The following MGST1 variants were observed in gnomAD, a reference collection of about 807,000 sequenced individuals.
The protein encoded by MGST1 is glutathione S-transferase 12.
MGST1 carries 5 observed loss-of-function variants against 8.9 expected under a neutral mutation model. The observed-to-expected ratio is 0.56, with a 90% CI of 0.29 to 1.19. MGST1 has a LOEUF of 1.19. Ranked by LOEUF, MGST1 falls within the 50% of genes most tolerant of loss-of-function variation. The pLI is 0.08. For synonymous variants in MGST1, 54 were observed against 67.8 expected (o/e 0.80, Z 1.00); for missense variants, 182 against 187.4 (o/e 0.97, Z 0.17).
downstream of MGST1, among the ~76,000 whole-genome samples, chr12:16,380,964 A>C (rs1285650856): frequency 6.6e-6 from 1 of 151,998 alleles, no homozygotes; most frequent in Non-Finnish European, 1.5e-5. Context: ...TAGGATTGCA[A>C]TCCCTGCCTT....
chr12:16,589,422 G>C lies in MGST1; in HGVS notation n.483-106G>C, dbSNP rs1034098684. ...CTTTACTTTTACTTGTGACTTCACAGTAAAAAATTAGGTCGTAGTGCAGAT... is the reference window on the plus strand; with the variant it reads ...CTTTACTTTTACTTGTGACTTCACACTAAAAAATTAGGTCGTAGTGCAGAT... On this transcript the variant is annotated intron_variant and non_coding_transcript_variant, in intron 4 of 4. Coordinates refer to the MGST1 transcript ENST00000538857. This position sits in a 1 kb window ranked among gnomAD's most constrained non-coding sequence, Gnocchi z 4.2. 3.3e-5 allele frequency: 5 copies of C among 152,046 alleles called. No homozygotes were observed. Among genetic ancestry groups the C allele is most frequent in the Non-Finnish European group, 7.4e-5 (5 of 67,992 alleles). The allele number at this position is 152,046 out of a possible 1,614,324, so 9.4% of individuals were successfully genotyped here.
At chr12:16,352,250 T>C (rs892171421) in intron 1 of MGST1, among the ~76,000 whole-genome samples, 16 of 152,222 alleles carry the variant, frequency 1.1e-4, no homozygotes, top group Admixed American at 5.2e-4. Context: ...TATATATGTA[T>C]GTGGTTTTTA....
intron 1 of MGST1, among the ~76,000 whole-genome samples, chr12:16,394,546 CTTTCTTTCTTTCTTT>C (rs1940587189): frequency 1.7e-5 from 1 of 59,456 alleles, no homozygotes; most frequent in Non-Finnish European, 3.2e-5. Flanking sequence ...TTCTTTCTTT[CTTTCTTTCTTTCTTT>C]CTTTCTTTCT....
chr12:16,460,684 C>T (rs1031150803), intron 4 of MGST1, among the ~76,000 whole-genome samples: 11 of 150,552 alleles, frequency 7.3e-5, no homozygotes, highest in Non-Finnish European at 1.0e-4. Flanking sequence ...TCATTCTCTA[C>T]GCTCCATCAT....
Position 16,408,978 on chromosome 12 carries a change from A to G in MGST1, n.778+25374A>G, listed in dbSNP as rs546921269. Among the ~76,000 whole-genome samples the G allele has an allele frequency of 9.9e-5, 15 of 152,162 alleles. No homozygotes were observed. The East Asian group carries it at 2.7e-3, about 27-fold the overall frequency. ...TTTAGAAGATACTTTTTTTCTGCAA[A>G]TCTATTTTGTCATTACTCCATGTTT... On this transcript the variant is annotated intron_variant and non_coding_transcript_variant, in intron 1 of 1. Transcript: ENST00000359720.
At chr12:16,348,883 C>G (rs2975139) in intron 1 of MGST1, 104,639 of 150,912 alleles carry the variant, frequency 0.69, 36,794 homozygotes, top group Non-Finnish European at 0.75. Context: ...TTTTCTACCG[C>G]TTTGTTTTAG....
intron 4 of MGST1, among the ~76,000 whole-genome samples, chr12:16,478,898 A>G (rs1027335205): frequency 2.0e-5 from 3 of 152,096 alleles, no homozygotes; most frequent in Non-Finnish European, 4.4e-5. Context: ...CACTGCCTCT[A>G]TCTAGTTTCA....
At chr12:16,509,069 C>A (rs1403725656) in intron 4 of MGST1, among the ~76,000 whole-genome samples, 1 of 152,078 alleles carries the variant, frequency 6.6e-6, no homozygotes, top group African/African-American at 2.4e-5. Context: ...ATTATTAAAG[C>A]AATTTCTTGT....
chr12:16,529,387 C>T (rs956828005), intron 4 of MGST1, among the ~76,000 whole-genome samples: 2 of 152,034 alleles, frequency 1.3e-5, no homozygotes, highest in African/African-American at 4.8e-5. Flanking sequence ...TTTAATCACA[C>T]GTCAAGATTT....
At position 16,560,272 on chromosome 12, in the gene MGST1, G is replaced by T; in HGVS notation, n.483-29256G>T. The T allele has an allele frequency of 1.2e-6, 1 of 836,314 alleles. No homozygotes were observed. Among genetic ancestry groups the T allele is most frequent in the Non-Finnish European group, 1.8e-6 (1 of 569,366 alleles). 51.8% of individuals were successfully genotyped at this position (836,314 alleles called of 1,614,324 possible). ...TTCTTCTCCTTAGTAGCTTGTCTCT[G>T]GCATGGGATTAAAGTTTACAGAACA... On this transcript the variant is annotated intron_variant and non_coding_transcript_variant, in intron 4 of 4. Transcript: ENST00000538857. The surrounding 1 kb of genome is among the most constrained non-coding windows in gnomAD (Gnocchi z 5.0).
At chr12:16,383,517 A>C (rs1006957513) in exon 1 of MGST1, 3 of 151,428 alleles carry the variant, frequency 2.0e-5, no homozygotes, top group African/African-American at 7.3e-5. Context: ...GATGGAGTGC[A>C]ATGGCATGAT....
intron 2 of MGST1, among the ~76,000 whole-genome samples, chr12:16,355,621 C>G (rs1051465849): frequency 6.6e-6 from 1 of 152,172 alleles, no homozygotes. Context: ...TCCACACTGA[C>G]TTCTAGACAC....
rs1398569274 is a variant in MGST1, at chr12:16,559,890, A to C, written n.483-29638A>C. Among the ~76,000 whole-genome samples, 3 of 152,054 alleles carry C rather than the reference A, an allele frequency of 2.0e-5. No individual in the cohort carries two copies. Among genetic ancestry groups the C allele is most frequent in the Non-Finnish European group, 4.4e-5 (3 of 68,010 alleles). ...GGCAGGAGGATTGCTTGAGCACAGAAGTTGAGGCTGCATGAGCCATGTTAG... is the reference window on the plus strand; with the variant it reads ...GGCAGGAGGATTGCTTGAGCACAGACGTTGAGGCTGCATGAGCCATGTTAG... On this transcript the variant is annotated intron_variant and non_coding_transcript_variant, in intron 4 of 4. Transcript: ENST00000538857. This position sits in a 1 kb window ranked among gnomAD's most constrained non-coding sequence, Gnocchi z 4.1.
chr12:16,538,568 G>A (rs1941771360), intron 4 of MGST1, among the ~76,000 whole-genome samples: 1 of 151,798 alleles, frequency 6.6e-6, no homozygotes, highest in African/African-American at 2.4e-5. Context: ...CCATATGGCT[G>A]GGGAGGCTTC....
intron 4 of MGST1, among the ~76,000 whole-genome samples, chr12:16,492,402 T>C (rs1463874237): frequency 1.3e-5 from 2 of 152,102 alleles, no homozygotes; most frequent in African/African-American, 4.8e-5. Context: ...AGCTATACAT[T>C]AGCGCGGTTT....
At chr12:16,531,456 A>T (rs1338316727) in intron 4 of MGST1, among the ~76,000 whole-genome samples, 1 of 152,084 alleles carries the variant, frequency 6.6e-6, no homozygotes, top group African/African-American at 2.4e-5. Flanking sequence ...TGAGAAAAAA[A>T]TAGAGGTGCA....
At chr12:16,534,308 A>G (rs996634120) in intron 4 of MGST1, among the ~76,000 whole-genome samples, 6 of 152,216 alleles carry the variant, frequency 3.9e-5, no homozygotes, top group Non-Finnish European at 8.8e-5. Flanking sequence ...GGTATTTGTT[A>G]GAGTATGATG....
At chr12:16,439,580 C>T (rs1391049058), downstream of MGST1, among the ~76,000 whole-genome samples, 4 of 151,788 alleles carry the variant, frequency 2.6e-5, no homozygotes, top group Non-Finnish European at 5.9e-5. Flanking sequence ...CTGATATACT[C>T]CTGTCACTTA....
rs984833163 is a variant in MGST1 at position 16,551,081 on chromosome 12, G to A, written n.483-38447G>A. The stretch of plus-strand genomic sequence containing the variant: ...ATTTCACTACATACAGATGCAGTCC[G>A]CCTTTTATTCCATATAACCATCCTG... On this transcript the variant is annotated intron_variant and non_coding_transcript_variant, in intron 4 of 4. Coordinates refer to the MGST1 transcript ENST00000538857. 1.3e-4 allele frequency: 76 copies of A among 571,628 alleles called. 2 individuals carry two copies. The highest frequency in any genetic ancestry group is 3.7e-4 in the East Asian group (14 of 37,378). The allele number at this position is 571,628 out of a possible 1,614,324, so 35.4% of individuals were successfully genotyped here.
Sources: allele counts gnomAD v4.1 joint callset (sites outside exome capture counted in the v4.1 genomes callset), GRCh38; gene constraint gnomAD v4.1.1; non-coding constraint Gnocchi (gnomAD v3.1); transcripts MANE v1.5; gene names NCBI Gene and HGNC (gene_info 2026-07-23, HGNC 2026-07-21).